The following ATXN10 variants were observed in gnomAD, a reference collection of about 807,000 sequenced individuals.
ATXN10 encodes the protein ataxin-10.
Under a neutral mutation model 52.9 loss-of-function variants are expected in ATXN10, and 28 were observed. The observed-to-expected ratio is 0.53, with a 90% confidence interval of 0.39 to 0.73. The LOEUF (loss-of-function observed/expected upper bound fraction) is 0.73. Among genes scored for constraint, ATXN10 ranks in the 30% least tolerant of loss-of-function variants. ATXN10 has a pLI of 0.00. For missense variants in ATXN10, 565 were observed against 577.0 expected (o/e 0.98, Z 0.21); for synonymous variants, 226 against 221.5 (o/e 1.02, Z -0.18).
chr22:45,776,826 TAATTA>T (rs1221080850), intron 9 of ATXN10, among the ~76,000 whole-genome samples: 4 of 152,248 alleles, frequency 2.6e-5, no homozygotes, highest in African/African-American at 9.6e-5. Context: ...ATTGGTATTC[TAATTA>T]AATTATGTTT....
At chr22:45,719,840 T>A (rs1924582383) in intron 6 of ATXN10, among the ~76,000 whole-genome samples, 2 of 152,278 alleles carry the variant, frequency 1.3e-5, no homozygotes, top group South Asian at 4.1e-4. Context: ...TTTCATCACA[T>A]CATTCATTCA....
At chr22:45,796,399 T>C (rs185330701) in intron 9 of ATXN10, among the ~76,000 whole-genome samples, 5 of 152,380 alleles carry the variant, frequency 3.3e-5, no homozygotes, top group African/African-American at 1.2e-4. Flanking sequence ...GATCTCACTC[T>C]GCCTCTCTGC....
rs1282205129 is a variant in ATXN10, at chr22:45,678,230, G to GTT, written c.116+6052_116+6053dup. On this transcript the variant is annotated intron_variant, in intron 1 of 11. Transcript: ENST00000252934. This position sits in a 1 kb window ranked among gnomAD's most constrained non-coding sequence, Gnocchi z 4.1. ...AAATGAACAACATGGCAAATTTTAT[G>GTT]TTATATATATGTATTTTACCACAGT... 2 of 152,162 alleles carry GTT rather than the reference G, an allele frequency of 1.3e-5. No homozygotes were observed. Among genetic ancestry groups the GTT allele is most frequent in the East Asian group, 1.9e-4 (1 of 5,196 alleles). The allele number at this position is 152,162 out of a possible 1,614,324, so 9.4% of individuals were successfully genotyped here.
At chr22:45,703,912 C>G (rs1923936989) in intron 5 of ATXN10, 1 of 152,320 alleles carries the variant, frequency 6.6e-6, no homozygotes, top group African/African-American at 2.4e-5. Flanking sequence ...CCTCAGAAGC[C>G]TCAGGCCCCT....
At chr22:45,839,816 C>A (rs1364490910) in intron 10 of ATXN10, among the ~76,000 whole-genome samples, 1 of 152,222 alleles carries the variant, frequency 6.6e-6, no homozygotes, top group African/African-American at 2.4e-5. Flanking sequence ...GGTTTACTTT[C>A]ATCTAATCTC....
intron 9 of ATXN10, among the ~76,000 whole-genome samples, chr22:45,785,888 TTGAAAATACCTTTCTGACATCTAGC>T (rs1927307630): frequency 6.6e-6 from 1 of 152,250 alleles, no homozygotes; most frequent in Admixed American, 6.5e-5. Context: ...TCCAAATCAG[TTGAAAATACCTTTCTGACATCTAGC>T]TCTAAGGTTT....
In ATXN10 at chr22:45,770,318, AT is replaced by A. The variant is rs981674220; in HGVS notation, c.1173+29787del. Among the ~76,000 whole-genome samples, 156 of 152,254 alleles carry A rather than the reference AT, an allele frequency of 1.0e-3. No homozygotes were observed. Among genetic ancestry groups the A allele is most frequent in the African/African-American group, 3.5e-3 (147 of 41,540 alleles). On this transcript the variant is annotated intron_variant, in intron 9 of 11. Transcript: ENST00000252934. The surrounding 1 kb of genome is among the most constrained non-coding windows in gnomAD (Gnocchi z 4.5). ...AATGAATTCTTTGGTCATAGTGAGA[AT>A]TTTTTTAAAATGAGACAGGATGAGG... is the stretch of plus-strand genomic sequence containing the variant.
chr22:45,736,430 C>G (rs9614510), intron 7 of ATXN10, among the ~76,000 whole-genome samples: 2 of 152,028 alleles, frequency 1.3e-5, no homozygotes, highest in African/African-American at 4.8e-5. Context: ...CCCCCATTGT[C>G]TAATAATCTT....
intron 7 of ATXN10, among the ~76,000 whole-genome samples, chr22:45,736,830 T>C (rs1360076007): frequency 1.3e-5 from 2 of 152,234 alleles, no homozygotes; most frequent in East Asian, 1.9e-4. Flanking sequence ...CTCTGTGATA[T>C]TAGCAGTCAT....
rs574746868 is a variant in ATXN10, at chr22:45,793,792, T to G, written c.1174-13167T>G. The G allele has an allele frequency of 3.8e-6, 5 of 1,320,790 alleles. No homozygotes were observed. The African/African-American group carries it at 7.6e-5, about 20-fold the overall frequency. 81.8% of individuals were successfully genotyped at this position (1,320,790 alleles called of 1,614,324 possible). ...GATGCAGGACAGGTAAGCCCCCAAA[T>G]TGGGACTTAGCCTGGGAAGGTTCTT... On this transcript the variant is annotated intron_variant, in intron 9 of 11. Coordinates refer to ENST00000252934, the MANE Select transcript of ATXN10 (RefSeq NM_013236.4).
intron 10 of ATXN10, among the ~76,000 whole-genome samples, chr22:45,839,967 A>G (rs1178849930): frequency 6.6e-6 from 1 of 152,238 alleles, no homozygotes; most frequent in African/African-American, 2.4e-5. Context: ...TTCATTTAGC[A>G]AACATTTCCC....
intron 10 of ATXN10, among the ~76,000 whole-genome samples, chr22:45,809,569 C>G (rs557902352): frequency 1.3e-5 from 2 of 152,212 alleles, no homozygotes; most frequent in Admixed American, 6.5e-5. Flanking sequence ...ACATTCAGCT[C>G]CTGTACACCA....
intron 9 of ATXN10, among the ~76,000 whole-genome samples, chr22:45,800,464 G>C (rs1469290137): frequency 2.0e-5 from 3 of 152,216 alleles, no homozygotes; most frequent in African/African-American, 7.2e-5. Context: ...TGTTGATAAG[G>C]ATCTAGAGTA....
chr22:45,798,288 A>G (rs1739997854), intron 9 of ATXN10, among the ~76,000 whole-genome samples: 1 of 152,240 alleles, frequency 6.6e-6, no homozygotes. Flanking sequence ...TCAAAATATC[A>G]GCAAAGTGGA....
chr22:45,798,095 A>C (rs1927807954), intron 9 of ATXN10, among the ~76,000 whole-genome samples: 1 of 152,256 alleles, frequency 6.6e-6, no homozygotes, highest in African/African-American at 2.4e-5. Flanking sequence ...TCTGTCAAGC[A>C]TTTAAGAAGG....
chr22:45,758,620 A>T lies in ATXN10; in HGVS notation c.1173+18082A>T, dbSNP rs900041304. On this transcript the variant is annotated intron_variant, in intron 9 of 11. Coordinates refer to ENST00000252934, the MANE Select transcript of ATXN10 (RefSeq NM_013236.4). The stretch of plus-strand genomic sequence containing the variant: ...TCATGCTCTGACAGCTATCTTTAAG[A>T]TGTTGTTTTTGGGTTGCCAGGTGTT... Among the ~76,000 whole-genome samples the T allele has an allele frequency of 1.1e-4, 16 of 152,156 alleles. 1 individual carries two copies. Among genetic ancestry groups the T allele is most frequent in the Admixed American group, 8.5e-4 (13 of 15,286 alleles).
chr22:45,767,513 A>C (rs1418535436), intron 9 of ATXN10, among the ~76,000 whole-genome samples: 1 of 152,086 alleles, frequency 6.6e-6, no homozygotes. Flanking sequence ...CTAAAAACTC[A>C]TTTTAAACAT....
At position 45,770,964 on chromosome 22, in the gene ATXN10, C is replaced by G. The variant is rs189175807; in HGVS notation, c.1173+30426C>G. Reference sequence around the variant, plus strand: ...AACCCAGATCCATCCTGGGAGCACTCGAGGCCAGCCCTTTTGGCTCTCTGC... The same window carrying G: ...AACCCAGATCCATCCTGGGAGCACTGGAGGCCAGCCCTTTTGGCTCTCTGC... On this transcript the variant is annotated intron_variant, in intron 9 of 11. Transcript: ENST00000252934. The surrounding 1 kb of genome is among the most constrained non-coding windows in gnomAD (Gnocchi z 4.5). 3.4e-4 allele frequency among the ~76,000 whole-genome samples: 52 copies of G among 152,308 alleles called. No individual in the cohort carries two copies. The highest frequency in any genetic ancestry group is 1.7e-3 in the South Asian group (8 of 4,832).
chr22:45,763,395 A>G lies in ATXN10; in HGVS notation c.1173+22857A>G, dbSNP rs1193548570. 6.6e-6 allele frequency among the ~76,000 whole-genome samples: 1 copy of G among 152,178 alleles called. No homozygotes were observed. On this transcript the variant is annotated intron_variant, in intron 9 of 11. Transcript: ENST00000252934. This position sits in a 1 kb window ranked among gnomAD's most constrained non-coding sequence, Gnocchi z 6.9. ...ACGAAAGGCCTTTGAGTTCAAGCTG[A>G]GGCCTTTGGACTTGGCCCCTCGCTC... is the stretch of plus-strand genomic sequence containing the variant.
Sources: gnomAD v4.1 joint callset for allele counts (sites outside exome capture counted in the v4.1 genomes callset) on GRCh38, gnomAD v4.1.1 for gene constraint, Gnocchi (gnomAD v3.1) non-coding constraint, MANE v1.5 for transcripts, NCBI Gene and HGNC (gene_info 2026-07-23, HGNC 2026-07-21) for gene names.